Variants in TRPM3 observed in about 807,000 individuals in gnomAD.
TRPM3 encodes the protein long transient receptor potential channel 3.
TRPM3 carries 77 observed loss-of-function variants against 181.2 expected under a neutral mutation model. The ratio of observed to expected loss-of-function variants is 0.42; its 90% confidence interval spans 0.35 to 0.51. TRPM3 has a LOEUF of 0.51. TRPM3 is among the 20% of genes least tolerant of loss of function. The pLI is 0.01. For missense variants in TRPM3, 1,759 were observed against 2,196.7 expected, an observed-to-expected ratio of 0.80 and a Z score of 3.98; for synonymous variants, 745 against 796.4, an observed-to-expected ratio of 0.94 and a Z score of 1.09.
intron 19 of TRPM3, among the ~76,000 whole-genome samples, chr9:70,604,697 G>A (rs2132818173): frequency 6.6e-6 from 1 of 152,288 alleles, no homozygotes. Flanking sequence ...AGGCTGGAGT[G>A]CAGTGGCATT....
intron 14 of TRPM3, among the ~76,000 whole-genome samples, chr9:70,622,125 C>A (rs2063724110): frequency 6.6e-6 from 1 of 152,126 alleles, no homozygotes; most frequent in Admixed American, 6.5e-5. Flanking sequence ...AGGCTCAATG[C>A]AGCTCATTCA....
intron 7 of TRPM3, among the ~76,000 whole-genome samples, chr9:70,782,749 C>G (rs2082728443): frequency 6.6e-6 from 1 of 151,744 alleles, no homozygotes; most frequent in Non-Finnish European, 1.5e-5. Context: ...TGCCAGTAAA[C>G]TCCAACTTAG....
intron 1 of TRPM3, among the ~76,000 whole-genome samples, chr9:70,890,699 T>C (rs1288364348): frequency 6.6e-6 from 1 of 152,110 alleles, no homozygotes; most frequent in Admixed American, 6.5e-5. Context: ...TAAATAAATG[T>C]TAGTTCCTAA....
At chr9:71,315,892 G>A (rs1268243148) in intron 1 of TRPM3, among the ~76,000 whole-genome samples, 1 of 152,082 alleles carries the variant, frequency 6.6e-6, no homozygotes, top group Non-Finnish European at 1.5e-5. Context: ...ATTTTTCTGA[G>A]AAGACAAAAT....
intron 1 of TRPM3, among the ~76,000 whole-genome samples, chr9:71,063,125 CT>C: frequency 6.6e-6 from 1 of 152,132 alleles, no homozygotes. Context: ...TCCAGCCATA[CT>C]GGTCACATCA....
At chr9:71,291,618 T>C (rs2085819659) in intron 1 of TRPM3, among the ~76,000 whole-genome samples, 1 of 152,126 alleles carries the variant, frequency 6.6e-6, no homozygotes, top group Non-Finnish European at 1.5e-5. Context: ...TCATTACCTA[T>C]TGATAAGTTA....
intron 22 of TRPM3, among the ~76,000 whole-genome samples, chr9:70,567,890 C>T (rs1481272740): frequency 1.3e-5 from 2 of 152,074 alleles, no homozygotes; most frequent in Non-Finnish European, 2.9e-5. Flanking sequence ...TTAATATTCA[C>T]GCTTTGTGCT....
intron 8 of TRPM3, among the ~76,000 whole-genome samples, chr9:70,756,201 T>C (rs892031630): frequency 7.2e-5 from 11 of 151,736 alleles, no homozygotes; most frequent in African/African-American, 2.7e-4. Flanking sequence ...TCCTAATCTC[T>C]GATAAAACAG....
At position 70,784,178 on chromosome 9, in the gene TRPM3, C is replaced by A. The variant is rs375661921; in HGVS notation, c.1075G>T (p.Val359Leu). Residue 359 changes from valine to leucine, a missense_variant, in exon 7 of 26, where the codon GTG (valine) becomes TTG (leucine). By Grantham distance (32) the Val-to-Leu change is conservative (BLOSUM62 1). Transcript: ENST00000677713. Reference sequence around the variant, plus strand: ...CGTCCACTCCCATCACAGACAACCACTGGCACGGGAGGGGTGTCTCGAAGG... The same window carrying A: ...CGTCCACTCCCATCACAGACAACCAATGGCACGGGAGGGGTGTCTCGAAGG... ...EYLRDTPPVP[V>L]VVCDGSGRAS... is the part of the protein sequence containing the mutation. 1.9e-6 allele frequency: 3 copies of A among 1,613,736 alleles called. No homozygotes were observed. The highest frequency in any genetic ancestry group is 2.7e-5 in the African/African-American group (2 of 74,890).
intron 1 of TRPM3, among the ~76,000 whole-genome samples, chr9:71,232,804 C>A (rs2081143318): frequency 6.6e-6 from 1 of 152,024 alleles, no homozygotes; most frequent in Non-Finnish European, 1.5e-5. Context: ...GACCAGTATT[C>A]ATTCTGTAAC....
At chr9:70,604,237 C>T (rs1213636373) in intron 19 of TRPM3, among the ~76,000 whole-genome samples, 2 of 152,122 alleles carry the variant, frequency 1.3e-5, no homozygotes, top group Non-Finnish European at 2.9e-5. Context: ...GGAAGAACTC[C>T]CTAGGGTTTG....
intron 1 of TRPM3, among the ~76,000 whole-genome samples, chr9:70,915,496 G>A (rs1231090843): frequency 4.0e-5 from 6 of 150,734 alleles, no homozygotes; most frequent in South Asian, 4.2e-4. Context: ...TAGTAGAGAC[G>A]GGGTTTCACC....
chr9:70,861,536 C>T (rs146026453), intron 3 of TRPM3, among the ~76,000 whole-genome samples: 3 of 152,312 alleles, frequency 2.0e-5, no homozygotes, highest in Non-Finnish European at 4.4e-5. Flanking sequence ...GCCCAGCAAG[C>T]CACATCCTCA....
At chr9:70,959,371 C>T (rs1423851252) in intron 1 of TRPM3, among the ~76,000 whole-genome samples, 1 of 151,342 alleles carries the variant, frequency 6.6e-6, no homozygotes, top group Non-Finnish European at 1.5e-5. Context: ...TGGGCCCCAA[C>T]ATTCTGATGT....
chr9:70,971,188 A>C (rs2097240945), intron 1 of TRPM3, among the ~76,000 whole-genome samples: 1 of 152,182 alleles, frequency 6.6e-6, no homozygotes, highest in Non-Finnish European at 1.5e-5. Context: ...ATGGATCTGT[A>C]TAATAAAAAA....
At chr9:70,700,085 C>T (rs188267919) in intron 8 of TRPM3, among the ~76,000 whole-genome samples, 1 of 152,116 alleles carries the variant, frequency 6.6e-6, no homozygotes, top group African/African-American at 2.4e-5. Flanking sequence ...CGGGTTCAAG[C>T]GATTCTCCTG....
At chr9:70,803,178 G>T (rs944825185) in intron 6 of TRPM3, among the ~76,000 whole-genome samples, 9 of 151,978 alleles carry the variant, frequency 5.9e-5, no homozygotes, top group Non-Finnish European at 1.0e-4. Flanking sequence ...TGGATGGGGG[G>T]CAAGAAGGGA....
Position 70,615,925 on chromosome 9 carries a change from C to T in TRPM3, c.2509G>A (p.Glu837Lys), listed in dbSNP as rs1589345346. The change falls in exon 18 of 26, where the codon GAG (glutamate) becomes AAG (lysine). Residue 837 changes from glutamate to lysine, a missense_variant. Glu to Lys is a moderately conservative substitution (Grantham distance 56, BLOSUM62 1). This residue lies in a region of TRPM3 where 114 missense variants were observed against 134.8 expected (regional missense o/e 0.85). Transcript: ENST00000677713. ...PEKPTKEKEE[E>K]DMELTAMLGR... ...TTTCTTACTGTGAGCTCCATGTCCTCTTCCTCTTTTTCCTTTGTGGGCTTC... is the reference window on the plus strand; with the variant it reads ...TTTCTTACTGTGAGCTCCATGTCCTTTTCCTCTTTTTCCTTTGTGGGCTTC... 1 of 1,605,314 alleles carries T rather than the reference C, an allele frequency of 6.2e-7. No homozygotes were observed. Among genetic ancestry groups the T allele is most frequent in the Non-Finnish European group, 8.5e-7 (1 of 1,177,672 alleles).
At position 70,799,043 on chromosome 9, in the gene TRPM3, T is replaced by A. The variant is rs141939923; in HGVS notation, c.974-14764A>T. On this transcript the variant is annotated intron_variant, in intron 6 of 25. Coordinates refer to ENST00000677713, the MANE Select transcript of TRPM3 (RefSeq NM_001366145.2). ...CCTCAAATTGAAGCCTCATTGTTTC[T>A]CAGAATTGAACCCAGCTAAAGCGAC... Among the ~76,000 whole-genome samples the A allele has an allele frequency of 1.9e-3, 292 of 152,320 alleles. 2 individuals carry two copies. The highest frequency in any genetic ancestry group is 6.6e-3 in the African/African-American group (275 of 41,568).
Sources: allele counts gnomAD v4.1 joint callset (sites outside exome capture counted in the v4.1 genomes callset), GRCh38; gene constraint gnomAD v4.1.1; regional missense constraint gnomAD v4.1.1; transcripts MANE v1.5; gene names NCBI Gene and HGNC (gene_info 2026-07-23, HGNC 2026-07-21).